Variants in DLGAP2 observed in about 807,000 individuals in gnomAD.
DLGAP2 encodes the protein DLG associated protein 2.
A neutral mutation model predicts 100.3 loss-of-function variants in DLGAP2; 26 were observed. The ratio of observed to expected loss-of-function variants is 0.26; its 90% CI spans 0.19 to 0.36. The LOEUF is 0.36. DLGAP2 is among the 10% of genes least tolerant of loss of function. DLGAP2 has a pLI of 1.00. For missense variants in DLGAP2, 1,858 were observed against 1,453.2 expected, an observed-to-expected ratio of 1.28 and a Z score of -4.53; for synonymous variants, 886 against 630.1, an observed-to-expected ratio of 1.41 and a Z score of -6.08.
At chr8:848,275 G>A (rs976648169) in intron 1 of DLGAP2, among the ~76,000 whole-genome samples, 4 of 151,850 alleles carry the variant, frequency 2.6e-5, no homozygotes, top group Non-Finnish European at 5.9e-5. Context: ...AGGATCGTGT[G>A]GTGTGTGTTC....
chr8:1,318,102 G>C (rs1455614294), intron 3 of DLGAP2, among the ~76,000 whole-genome samples: 1 of 88,578 alleles, frequency 1.1e-5, no homozygotes, highest in Non-Finnish European at 2.3e-5. Context: ...CGAGTGCAGC[G>C]TCTCTCCAAC....
intron 2 of DLGAP2, among the ~76,000 whole-genome samples, chr8:1,181,098 C>T (rs1300595533): frequency 2.2e-5 from 1 of 45,798 alleles, no homozygotes; most frequent in Non-Finnish European, 4.1e-5. Context: ...CACTTACTGT[C>T]GAGTGTGGGT....
At chr8:1,288,610 TAGG>T (rs1180843495) in intron 3 of DLGAP2, among the ~76,000 whole-genome samples, 1 of 104,286 alleles carries the variant, frequency 9.6e-6, no homozygotes, top group Non-Finnish European at 1.9e-5. Context: ...GTGTGTGTGG[TAGG>T]AGGGGAACTA....
chr8:810,778 A>G (rs7827827), intron 1 of DLGAP2, among the ~76,000 whole-genome samples: 19,304 of 152,184 alleles, frequency 0.13, 1,413 homozygotes, highest in East Asian at 0.25. Context: ...CTGTTTTCCC[A>G]CTATGCCAAC....
chr8:1,224,166 T>C (rs1330055924), intron 2 of DLGAP2, among the ~76,000 whole-genome samples: 1 of 152,176 alleles, frequency 6.6e-6, no homozygotes, highest in African/African-American at 2.4e-5. Flanking sequence ...CTAAGAGGAA[T>C]TGCAAGAAAA....
chr8:904,646 C>T (rs1044178239), intron 1 of DLGAP2, among the ~76,000 whole-genome samples: 7 of 152,144 alleles, frequency 4.6e-5, no homozygotes, highest in Non-Finnish European at 8.8e-5. Flanking sequence ...GCTGATGCCA[C>T]GGAGGGGTTA....
intron 2 of DLGAP2, among the ~76,000 whole-genome samples, chr8:1,215,514 C>A (rs113928530): frequency 0.034 from 167 of 4,920 alleles, no homozygotes; most frequent in African/African-American, 0.098. Flanking sequence ...CACCTGGAGA[C>A]GTCCAGGTAC....
At chr8:1,230,316 G>C (rs982033733) in intron 2 of DLGAP2, among the ~76,000 whole-genome samples, 1 of 152,076 alleles carries the variant, frequency 6.6e-6, no homozygotes. Context: ...CGAAGTGAAA[G>C]ATATCTACAC....
intron 2 of DLGAP2, among the ~76,000 whole-genome samples, chr8:958,689 T>C (rs17065487): frequency 0.095 from 14,493 of 152,102 alleles, 2,361 homozygotes; most frequent in African/African-American, 0.33. Context: ...GTGTTGTATT[T>C]AGGGCATATT....
At position 1,626,823 on chromosome 8, in the gene DLGAP2, G is replaced by A. The variant is rs771881982; in HGVS notation, c.1526G>A (p.Arg509His). The A allele has an allele frequency of 6.2e-6, 10 of 1,605,984 alleles. No individual in the cohort carries two copies. Among genetic ancestry groups the A allele is most frequent in the African/African-American group, 2.7e-5 (2 of 74,744 alleles). The change falls in exon 7 of 15, where the codon CGC (arginine) becomes CAC (histidine). Residue 509 changes from arginine to histidine, a missense_variant. By Grantham distance (29) the Arg-to-His change is conservative (BLOSUM62 0). Coordinates refer to ENST00000637795, the MANE Select transcript of DLGAP2 (RefSeq NM_001346810.2). ...GCGAACTACAACTCCCCGAAATTCC[G>A]CTCCCGGAACCAGAGCTACATGAGG... ...PAANYNSPKF[R>H]SRNQSYMRAV...
intron 1 of DLGAP2, among the ~76,000 whole-genome samples, chr8:802,457 G>T (rs1235854900): frequency 6.6e-6 from 1 of 152,210 alleles, no homozygotes; most frequent in Non-Finnish European, 1.5e-5. Context: ...AGCGGGTCCC[G>T]CATTGGGGTC....
intron 4 of DLGAP2, among the ~76,000 whole-genome samples, chr8:1,547,379 G>A (rs181284003): frequency 2.8e-4 from 42 of 152,252 alleles, no homozygotes; most frequent in Admixed American, 1.2e-3. Flanking sequence ...GTGCATTTGA[G>A]GGGGTCAGCC....
chr8:1,044,895 A>C (rs1445739648), intron 2 of DLGAP2, among the ~76,000 whole-genome samples: 2 of 152,146 alleles, frequency 1.3e-5, no homozygotes, highest in Admixed American at 6.5e-5. Context: ...TGAATATTCA[A>C]ACCTTCCCTG....
chr8:1,424,505 T>C (rs562937038), intron 3 of DLGAP2, among the ~76,000 whole-genome samples: 1 of 152,186 alleles, frequency 6.6e-6, no homozygotes, highest in East Asian at 1.9e-4. Flanking sequence ...AGGAAGGAAA[T>C]TCTACACATC....
intron 3 of DLGAP2, among the ~76,000 whole-genome samples, chr8:1,438,896 A>C (rs1421082568): frequency 2.0e-5 from 3 of 152,088 alleles, no homozygotes; most frequent in Non-Finnish European, 4.4e-5. Context: ...CTTCTCCTTC[A>C]TTTTTTTTAC....
chr8:1,008,759 G>A (rs376044557), intron 2 of DLGAP2, among the ~76,000 whole-genome samples: 16 of 152,196 alleles, frequency 1.1e-4, no homozygotes, highest in East Asian at 7.7e-4. Context: ...CTGAGGGTCC[G>A]TCAGGGAGCA....
At chr8:1,527,302 C>T (rs1025368469) in intron 4 of DLGAP2, among the ~76,000 whole-genome samples, 1 of 152,270 alleles carries the variant, frequency 6.6e-6, no homozygotes, top group Non-Finnish European at 1.5e-5. Context: ...ATCCACCCGG[C>T]TCCAGCCAGA....
At chr8:1,214,477 C>T (rs919936528) in intron 2 of DLGAP2, among the ~76,000 whole-genome samples, 2 of 152,222 alleles carry the variant, frequency 1.3e-5, no homozygotes, top group South Asian at 2.1e-4. Context: ...ATTACCACCA[C>T]TTTACGTAGG....
At chr8:850,835 T>C (rs993199526) in intron 1 of DLGAP2, among the ~76,000 whole-genome samples, 10 of 152,188 alleles carry the variant, frequency 6.6e-5, no homozygotes, top group African/African-American at 2.4e-4. Context: ...AAATTTTTTT[T>C]TTCACTTTAA....
Sources: allele counts gnomAD v4.1 joint callset (sites outside exome capture counted in the v4.1 genomes callset), GRCh38; gene constraint gnomAD v4.1.1; transcripts MANE v1.5; gene names NCBI Gene and HGNC (gene_info 2026-07-23, HGNC 2026-07-21).